The following PCDHGA2 variants were observed in gnomAD, a reference collection of about 807,000 sequenced individuals.
The protein encoded by PCDHGA2 is protocadherin gamma-A2.
Under a neutral mutation model 59.2 loss-of-function variants are expected in PCDHGA2, and 40 were observed. That is an observed-to-expected ratio of 0.68 (90% CI 0.52 to 0.88). PCDHGA2 has a LOEUF of 0.88. Ranked by LOEUF, PCDHGA2 falls within the 40% of genes least tolerant of loss-of-function variation. The pLI is 0.00. For missense variants in PCDHGA2, 1,226 were observed against 1,204.0 expected (o/e 1.02, Z -0.27); for synonymous variants, 560 against 526.0 (o/e 1.06, Z -0.89).
At chr5:141,413,220 C>A in intron 1 of PCDHGA2, 1 of 1,613,330 alleles carries the variant, frequency 6.2e-7, no homozygotes, top group South Asian at 1.1e-5. Flanking sequence ...AGGATTGCAG[C>A]GGGCTGGTCC....
intron 1 of PCDHGA2, chr5:141,405,379 G>T: frequency 1.2e-6 from 2 of 1,606,832 alleles, no homozygotes; most frequent in Non-Finnish European, 1.7e-6. Flanking sequence ...TGGTTCCGGT[G>T]AGTTCATTTT....
intron 1 of PCDHGA2, among the ~76,000 whole-genome samples, chr5:141,465,279 C>T (rs975247599): frequency 3.3e-5 from 5 of 152,028 alleles, no homozygotes; most frequent in South Asian, 2.1e-4. Flanking sequence ...TTTAGTTCAC[C>T]CCTAAAGAAC....
At position 141,480,524 on chromosome 5, in the gene PCDHGA2, AAAG is replaced by A. The variant is rs1342230573; in HGVS notation, c.2425-14282_2425-14280del. Among the ~76,000 whole-genome samples, 4 of 127,792 alleles carry A rather than the reference AAAG, an allele frequency of 3.1e-5. No homozygotes were observed. The East Asian group carries it at 7.7e-4, about 25-fold the overall frequency. 83.8% of individuals were successfully genotyped at this position (127,792 alleles called of 152,430 possible). On this transcript the variant is annotated intron_variant, in intron 1 of 3. Transcript: ENST00000394576. Reference sequence around the variant, plus strand: ...ACATATGAGAACAACCAAAAATGACAAAGTAGAAGCACATATGAAAAGGCTAAG... The same window carrying A: ...ACATATGAGAACAACCAAAAATGACATAGAAGCACATATGAAAAGGCTAAG...
intron 1 of PCDHGA2, chr5:141,422,741 A>G (rs1319821802): frequency 6.2e-7 from 1 of 1,610,084 alleles, no homozygotes; most frequent in Non-Finnish European, 8.5e-7. Flanking sequence ...CTGTCCTCCT[A>G]TGTCTCTATT....
intron 1 of PCDHGA2, chr5:141,388,506 T>C: frequency 6.2e-7 from 1 of 1,613,870 alleles, no homozygotes; most frequent in Non-Finnish European, 8.5e-7. Flanking sequence ...GCAGAAATCC[T>C]ACCACTTGAC....
At chr5:141,436,300 G>A (rs966232889) in intron 1 of PCDHGA2, among the ~76,000 whole-genome samples, 1 of 152,180 alleles carries the variant, frequency 6.6e-6, no homozygotes, top group African/African-American at 2.4e-5. Flanking sequence ...TTGAGAGTTA[G>A]AGCATGAATA....
chr5:141,402,880 A>G (rs886365174), intron 1 of PCDHGA2: 2 of 1,474,944 alleles, frequency 1.4e-6, no homozygotes, highest in Non-Finnish European at 1.8e-6. Flanking sequence ...CATACTTTGC[A>G]GGGTGGAAGA....
intron 1 of PCDHGA2, chr5:141,417,493 G>A (rs1463793261): frequency 4.7e-6 from 1 of 214,978 alleles, no homozygotes; most frequent in East Asian, 1.1e-4. Context: ...GAATCACTGA[G>A]GAAAAAGATT....
At chr5:141,357,456 C>A (rs767627723) in intron 1 of PCDHGA2, 1 of 1,614,086 alleles carries the variant, frequency 6.2e-7, no homozygotes, top group African/African-American at 1.3e-5. Flanking sequence ...TCCTGCAGAC[C>A]TATTCCCACG....
intron 1 of PCDHGA2, among the ~76,000 whole-genome samples, chr5:141,442,888 GCTTATCA>G (rs776180931): frequency 8.5e-5 from 13 of 152,204 alleles, no homozygotes; most frequent in Non-Finnish European, 1.8e-4. Flanking sequence ...CAGAATCCCT[GCTTATCA>G]CTTCTCCTTC....
intron 1 of PCDHGA2, chr5:141,341,729 T>G (rs1189882301): frequency 4.3e-6 from 2 of 464,620 alleles, no homozygotes; most frequent in Non-Finnish European, 7.5e-6. Flanking sequence ...CAACAATTTT[T>G]TCTTTGTTAA....
Position 141,490,252 on chromosome 5 carries a change from G to A in PCDHGA2, c.2425-4555G>A, listed in dbSNP as rs150107963. The A allele has an allele frequency of 1.9e-6, 3 of 1,614,252 alleles. No homozygotes were observed. Among genetic ancestry groups the A allele is most frequent in the Non-Finnish European group, 1.7e-6 (2 of 1,180,046 alleles). The stretch of plus-strand genomic sequence containing the variant: ...CATGGAGGGCCACTGTGTGATTCAA[G>A]TGGATGTGGGGGATGTCAATGACAA... On this transcript the variant is annotated intron_variant, in intron 1 of 3. Coordinates refer to ENST00000394576, the MANE Select transcript of PCDHGA2 (RefSeq NM_018915.4). This position sits in a 1 kb window ranked among gnomAD's most constrained non-coding sequence, Gnocchi z 5.4.
chr5:141,413,319 C>T, intron 1 of PCDHGA2: 1 of 1,613,960 alleles, frequency 6.2e-7, no homozygotes, highest in South Asian at 1.1e-5. Context: ...AAGGCTCTTT[C>T]GTGGGCAACA....
intron 1 of PCDHGA2, chr5:141,421,253 A>G: frequency 6.2e-7 from 1 of 1,607,298 alleles, no homozygotes; most frequent in South Asian, 1.1e-5. Context: ...CAGCGCGGGG[A>G]CCGCAGTCGG....
rs114387256 is a variant in PCDHGA2, at chr5:141,358,315, T to G, written c.2424+16920T>G. On this transcript the variant is annotated intron_variant, in intron 1 of 3. Coordinates refer to ENST00000394576, the MANE Select transcript of PCDHGA2 (RefSeq NM_018915.4). The stretch of plus-strand genomic sequence containing the variant: ...TGTAAATTCACATTTACAATATTCT[T>G]TCTCATGAAGCTATTGTTGGATCTG... Among the ~76,000 whole-genome samples, 874 of 152,340 alleles carry G rather than the reference T, an allele frequency of 5.7e-3. 6 individuals carry two copies. The highest frequency in any genetic ancestry group is 0.02 in the African/African-American group (833 of 41,578).
intron 1 of PCDHGA2, chr5:141,371,022 C>T (rs758259761): frequency 1.2e-4 from 200 of 1,613,906 alleles, no homozygotes; most frequent in Non-Finnish European, 1.6e-4. Flanking sequence ...ACATCACCAC[C>T]TGGTCCTCAC....
chr5:141,476,666 G>C lies in PCDHGA2; in HGVS notation c.2425-18141G>C, dbSNP rs2099395856. On this transcript the variant is annotated intron_variant, in intron 1 of 3. Coordinates refer to ENST00000394576, the MANE Select transcript of PCDHGA2 (RefSeq NM_018915.4). This position sits in a 1 kb window ranked among gnomAD's most constrained non-coding sequence, Gnocchi z 7.6. The stretch of plus-strand genomic sequence containing the variant: ...CCGAAATGAATACTTTGCGCTTCGC[G>C]TGCAGACGCGGGAGGACAGCACCAA... 6.2e-7 allele frequency: 1 copy of C among 1,614,246 alleles called. No individual in the cohort carries two copies. The highest frequency in any genetic ancestry group is 8.5e-7 in the Non-Finnish European group (1 of 1,180,044).
At position 141,407,205 on chromosome 5, in the gene PCDHGA2, C is replaced by T. The variant is rs146299905; in HGVS notation, c.2424+65810C>T. 1.4e-3 allele frequency among the ~76,000 whole-genome samples: 213 copies of T among 152,308 alleles called. 1 individual carries two copies. Among genetic ancestry groups the T allele is most frequent in the African/African-American group, 4.8e-3 (199 of 41,572 alleles). On this transcript the variant is annotated intron_variant, in intron 1 of 3. Coordinates refer to ENST00000394576, the MANE Select transcript of PCDHGA2 (RefSeq NM_018915.4). ...ATTTTAATTATTTCAAACACGTTTTCCCCCTTAAGTGGGTAGCAAAAAAAA... is the reference window on the plus strand; with the variant it reads ...ATTTTAATTATTTCAAACACGTTTTTCCCCTTAAGTGGGTAGCAAAAAAAA...
chr5:141,363,877 G>A (rs1763094721), intron 1 of PCDHGA2, among the ~76,000 whole-genome samples: 1 of 152,112 alleles, frequency 6.6e-6, no homozygotes. Flanking sequence ...GTAAATAAAG[G>A]ACATAGGCTC....
Sources: allele counts gnomAD v4.1 joint callset (sites outside exome capture counted in the v4.1 genomes callset), GRCh38; gene constraint gnomAD v4.1.1; non-coding constraint Gnocchi (gnomAD v3.1); transcripts MANE v1.5; gene names NCBI Gene and HGNC (gene_info 2026-07-23, HGNC 2026-07-21).